Variants in CCDC30 observed in about 807,000 individuals in gnomAD.
CCDC30 encodes coiled-coil domain containing 30, also known as coiled-coil domain-containing protein 30.
A neutral mutation model predicts 100.2 loss-of-function variants in CCDC30; 70 were observed. The observed-to-expected ratio is 0.70, with a 90% CI of 0.58 to 0.85. The LOEUF (loss-of-function observed/expected upper bound fraction) is 0.85, where lower values mean the gene tolerates loss of function less well. Among genes scored for constraint, CCDC30 ranks in the 40% least tolerant of loss-of-function variants. The pLI is 0.00. For missense variants in CCDC30, 652 were observed against 771.2 expected (o/e 0.85, Z 1.83); for synonymous variants, 233 against 269.5 (o/e 0.86, Z 1.33).
At chr1:42,479,565 T>TAAAAAAAAAAAAAAA (rs150749741) in intron 1 of CCDC30, among the ~76,000 whole-genome samples, 1 of 139,952 alleles carries the variant, frequency 7.1e-6, no homozygotes. Flanking sequence ...AGACATATGC[T>TAAAAAAAAAAAAAAA]TAAAAAAAAA....
rs182570444 is a variant in CCDC30 at position 42,644,815 on chromosome 1, G to A, written c.1671+8G>A. 10 of 1,554,342 alleles carry A rather than the reference G, an allele frequency of 6.4e-6. No individual in the cohort carries two copies. The East Asian group carries it at 1.3e-4, about 21-fold the overall frequency. On this transcript the variant is annotated splice_region_variant and intron_variant, in intron 14 of 16. Transcript: ENST00000668663. ...CATATTCGCAGAGGAGAGGTAAGAT[G>A]TGTGCTTCCTATTGGGCCTGCCTTT...
chr1:42,500,425 T>C lies in CCDC30; in HGVS notation c.456+1509T>C, dbSNP rs1022747335. The C allele has an allele frequency of 3.5e-6, 3 of 865,162 alleles. No homozygotes were observed. The African/African-American group carries it at 5.1e-5, about 15-fold the overall frequency. 53.6% of individuals were successfully genotyped at this position (865,162 alleles called of 1,614,324 possible). Reference sequence around the variant, plus strand: ...GGCCACCACCGAGTTCTCTCTTTTTTTTTTTTGAGACAGAGTCTCGCTCTG... The same window carrying C: ...GGCCACCACCGAGTTCTCTCTTTTTCTTTTTTGAGACAGAGTCTCGCTCTG... On this transcript the variant is annotated intron_variant, in intron 6 of 16. Transcript: ENST00000668663.
chr1:42,535,620 G>A (rs967624099), intron 6 of CCDC30, among the ~76,000 whole-genome samples: 1 of 115,386 alleles, frequency 8.7e-6, no homozygotes, highest in Admixed American at 9.9e-5. Flanking sequence ...AGCACTTTGG[G>A]AGGCCGAGGT....
intron 6 of CCDC30, among the ~76,000 whole-genome samples, chr1:42,512,438 C>G (rs924296795): frequency 1.3e-5 from 2 of 152,152 alleles, no homozygotes; most frequent in African/African-American, 4.8e-5. Context: ...GGAGTGACCT[C>G]ACTGTGGCGG....
intron 6 of CCDC30, among the ~76,000 whole-genome samples, chr1:42,499,672 G>T (rs762533668): frequency 1.4e-4 from 21 of 151,812 alleles, no homozygotes; most frequent in Admixed American, 9.9e-4. Flanking sequence ...TAGAGATGAG[G>T]TCTCACTATG....
chr1:42,655,705 T>C (rs1553130480), downstream of CCDC30, among the ~76,000 whole-genome samples: 1 of 152,010 alleles, frequency 6.6e-6, no homozygotes, highest in Non-Finnish European at 1.5e-5. Flanking sequence ...GTGAACAGTC[T>C]CCAGCTCATC....
At chr1:42,459,609 A>G (rs1643349803), upstream of CCDC30, 1 of 1,613,010 alleles carries the variant, frequency 6.2e-7, no homozygotes, top group South Asian at 1.1e-5. Context: ...ACAGATAACA[A>G]TGAAGATGGT....
chr1:42,647,621 A>G (rs1328701296), intron 15 of CCDC30, among the ~76,000 whole-genome samples: 1 of 152,238 alleles, frequency 6.6e-6, no homozygotes, highest in East Asian at 1.9e-4. Context: ...CTGTTGCAGA[A>G]TACACATTCT....
At chr1:42,457,095 C>A in the CCDC30 span, 1 of 1,578,882 alleles carries the variant, frequency 6.3e-7, no homozygotes, top group Non-Finnish European at 8.6e-7. Flanking sequence ...AGGAGTACCC[C>A]TTTTGCCTGG....
intron 10 of CCDC30, chr1:42,593,960 T>G (rs1191854375): frequency 6.6e-6 from 1 of 152,178 alleles, no homozygotes; most frequent in Non-Finnish European, 1.5e-5. Flanking sequence ...GGGGTCATGT[T>G]GAGTTCTAGC....
At chr1:42,538,891 A>G (rs867431694) in intron 6 of CCDC30, among the ~76,000 whole-genome samples, 1 of 152,226 alleles carries the variant, frequency 6.6e-6, no homozygotes, top group Non-Finnish European at 1.5e-5. Flanking sequence ...TTACCTGTAT[A>G]TAAGCCTTGC....
At chr1:42,548,375 G>A (rs1311235170) in intron 6 of CCDC30, among the ~76,000 whole-genome samples, 1 of 152,182 alleles carries the variant, frequency 6.6e-6, no homozygotes. Context: ...CAGGGTTGGG[G>A]TTTTGCCATG....
intron 1 of CCDC30, among the ~76,000 whole-genome samples, chr1:42,469,079 TAAAAC>T (rs1299408713): frequency 1.3e-5 from 2 of 151,714 alleles, no homozygotes; most frequent in Non-Finnish European, 2.9e-5. Context: ...GATCATATGT[TAAAAC>T]AAACAAAAAC....
chr1:42,643,130 C>T (rs2148687432), intron 13 of CCDC30, among the ~76,000 whole-genome samples: 1 of 152,264 alleles, frequency 6.6e-6, no homozygotes, highest in South Asian at 2.1e-4. Context: ...AATAATGTCA[C>T]CAATAATAAC....
At chr1:42,545,898 T>G (rs1645120838) in intron 6 of CCDC30, among the ~76,000 whole-genome samples, 2 of 151,672 alleles carry the variant, frequency 1.3e-5, no homozygotes, top group Admixed American at 1.3e-4. Flanking sequence ...GCGCCATGAT[T>G]GTGTCACTGC....
chr1:42,592,447 T>A (rs1646205089), intron 10 of CCDC30: 1 of 152,214 alleles, frequency 6.6e-6, no homozygotes, highest in Non-Finnish European at 1.5e-5. Flanking sequence ...CTCATGCCTG[T>A]AATCCCGGCA....
rs184656684 is a variant in CCDC30 at position 42,534,522 on chromosome 1, G to T, written c.457-31774G>T. 5.8e-4 allele frequency among the ~76,000 whole-genome samples: 89 copies of T among 152,260 alleles called. No homozygotes were observed. The South Asian group carries it at 6.0e-3, about 10-fold the overall frequency. On this transcript the variant is annotated intron_variant, in intron 6 of 16. Coordinates refer to ENST00000668663, the Ensembl canonical transcript of CCDC30. ...GGAGGAATTATAAAAGTTACACTAG[G>T]ATTTTAGTATCCATTTTTCTAATAG...
At chr1:42,545,236 G>A (rs1311784209) in intron 6 of CCDC30, among the ~76,000 whole-genome samples, 174 bp from the exon 9 acceptor site, 1 of 140,258 alleles carries the variant, frequency 7.1e-6, no homozygotes, top group Non-Finnish European at 1.5e-5. Flanking sequence ...AATCGATTAA[G>A]TAATATAACA....
At chr1:42,515,948 A>G (rs1341551524) in intron 6 of CCDC30, among the ~76,000 whole-genome samples, 2 of 152,096 alleles carry the variant, frequency 1.3e-5, no homozygotes, top group Non-Finnish European at 2.9e-5. Flanking sequence ...TTGCTGATCT[A>G]TTTGTCTGTC....
Sources: allele counts gnomAD v4.1 joint callset (sites outside exome capture counted in the v4.1 genomes callset), GRCh38; gene constraint gnomAD v4.1.1; transcripts MANE v1.5; gene names NCBI Gene and HGNC (gene_info 2026-07-23, HGNC 2026-07-21).